Variants in RAB3GAP2 observed in about 807,000 individuals in gnomAD.
RAB3GAP2 encodes the protein RAB3 GTPase activating non-catalytic protein subunit 2.
A neutral mutation model predicts 185.3 loss-of-function variants in RAB3GAP2; 87 were observed. The ratio of observed to expected loss-of-function variants is 0.47; its 90% CI spans 0.39 to 0.56. The LOEUF (loss-of-function observed/expected upper bound fraction) is 0.56, where lower values mean the gene tolerates loss of function less well. Ranked by LOEUF, RAB3GAP2 falls within the 20% of genes least tolerant of loss-of-function variation. RAB3GAP2 has a pLI of 0.00. For synonymous variants in RAB3GAP2, 554 were observed against 576.1 expected, an observed-to-expected ratio of 0.96 and a Z score of 0.55; for missense variants, 1,492 against 1,638.2, an observed-to-expected ratio of 0.91 and a Z score of 1.54.
Position 220,167,316 on chromosome 1 carries a change from C to G in RAB3GAP2, c.3064G>C (p.Val1022Leu). The change falls in exon 26 of 35, where the codon GTT becomes CTT. Residue 1022 changes from valine (V) to leucine (L), a missense_variant. Val to Leu is a conservative substitution (Grantham distance 32, BLOSUM62 1). Transcript: ENST00000358951. Reference sequence around the variant, plus strand: ...ACCTCTGGATCTTTATTCCACTGAACAACGTACTCCCAGCAGCAATGTGCA... The same window carrying G: ...ACCTCTGGATCTTTATTCCACTGAAGAACGTACTCCCAGCAGCAATGTGCA... ...LHAHCCWEYV[V>L]QWNKDPEEAR... is the part of the protein sequence containing the mutation. 6.2e-7 allele frequency: 1 copy of G among 1,614,104 alleles called. No individual in the cohort carries two copies. The highest frequency in any genetic ancestry group is 8.5e-7 in the Non-Finnish European group (1 of 1,179,982).
chr1:220,158,628 ATG>A lies in RAB3GAP2; in HGVS notation c.3262-754_3262-753del, dbSNP rs1410213276. Among the ~76,000 whole-genome samples the A allele has an allele frequency of 6.6e-6, 1 of 151,992 alleles. No individual in the cohort carries two copies. The highest frequency in any genetic ancestry group is 1.5e-5 in the Non-Finnish European group (1 of 68,016). The stretch of plus-strand genomic sequence containing the variant: ...GCTAGTTTTTCTATTTTTAGTAGAG[ATG>A]GGGTTTCACCTTGTTGGTCAGGCTG... On this transcript the variant is annotated intron_variant, in intron 29 of 34. Transcript: ENST00000358951. The surrounding 1 kb of genome is among the most constrained non-coding windows in gnomAD (Gnocchi z 4.3).
chr1:220,237,017 G>T (rs1251998037), intron 1 of RAB3GAP2, among the ~76,000 whole-genome samples: 1 of 152,106 alleles, frequency 6.6e-6, no homozygotes, highest in African/African-American at 2.4e-5. Context: ...AGCTAAAAAT[G>T]GCTCACCATG....
intron 2 of RAB3GAP2, among the ~76,000 whole-genome samples, chr1:220,218,688 T>G (rs1190476421): frequency 6.6e-6 from 1 of 151,766 alleles, no homozygotes; most frequent in Non-Finnish European, 1.5e-5. Flanking sequence ...TGTATACATA[T>G]GTAACAAACC....
At chr1:220,200,713 C>T (rs1309606597) in intron 9 of RAB3GAP2, 1 of 496,108 alleles carries the variant, frequency 2.0e-6, no homozygotes, top group Non-Finnish European at 4.2e-6. Flanking sequence ...AAAGTAGACA[C>T]ACTGAAATGT....
intron 17 of RAB3GAP2, among the ~76,000 whole-genome samples, chr1:220,187,889 C>T (rs935082686): frequency 6.6e-6 from 1 of 151,914 alleles, no homozygotes; most frequent in African/African-American, 2.4e-5. Flanking sequence ...TCATAGTAAC[C>T]CTAATTTATA....
chr1:220,188,183 G>C (rs1658540546), intron 17 of RAB3GAP2, among the ~76,000 whole-genome samples: 1 of 151,678 alleles, frequency 6.6e-6, no homozygotes, highest in African/African-American at 2.4e-5. Context: ...CTGTGATACA[G>C]TTTTTTCTTA....
intron 2 of RAB3GAP2, chr1:220,220,467 T>G (rs1296227464): frequency 6.6e-6 from 1 of 152,492 alleles, no homozygotes; most frequent in African/African-American, 2.4e-5. Flanking sequence ...TCAGTCCATG[T>G]GCATCATCAC....
chr1:220,254,428 T>C, intron 1 of RAB3GAP2: 2 of 1,613,060 alleles, frequency 1.2e-6, no homozygotes, highest in Non-Finnish European at 1.7e-6. Context: ...CCTTGCTTTA[T>C]TACTCAATTA....
chr1:220,272,412 A>C lies in RAB3GAP2; in HGVS notation c.-75T>G, dbSNP rs926882670. On this transcript the variant is annotated 5_prime_UTR_variant, in exon 1 of 35. Transcript: ENST00000358951. ...CCCCCTCCACCCCACTGCGGCCGCC[A>C]CCGAGCCCCAATAGCTCTAGCCAAG... 201 of 1,011,062 alleles carry C rather than the reference A, an allele frequency of 2.0e-4. No individual in the cohort carries two copies. The highest frequency in any genetic ancestry group is 3.0e-4 in the Non-Finnish European group (196 of 655,188). 62.6% of individuals were successfully genotyped at this position (1,011,062 alleles called of 1,614,324 possible).
chr1:220,226,472 T>C (rs906775343), intron 2 of RAB3GAP2, among the ~76,000 whole-genome samples: 3 of 151,970 alleles, frequency 2.0e-5, no homozygotes, highest in African/African-American at 4.8e-5. Context: ...CTATTTGTTA[T>C]AGGATCATCA....
chr1:220,239,339 T>C (rs1659649144), intron 1 of RAB3GAP2, among the ~76,000 whole-genome samples: 1 of 152,128 alleles, frequency 6.6e-6, no homozygotes, highest in Admixed American at 6.6e-5. Context: ...CAAGCAGTTC[T>C]CTTACCTCAG....
At chr1:220,223,181 G>A (rs544699281) in intron 2 of RAB3GAP2, among the ~76,000 whole-genome samples, 1 of 152,126 alleles carries the variant, frequency 6.6e-6, no homozygotes, top group African/African-American at 2.4e-5. Context: ...TGAGTAGGTG[G>A]GACTATAGGC....
intron 1 of RAB3GAP2, among the ~76,000 whole-genome samples, chr1:220,255,213 AAAG>A (rs1660014010): frequency 6.6e-6 from 1 of 151,650 alleles, no homozygotes; most frequent in African/African-American, 2.4e-5. Flanking sequence ...AAGAAAAAAA[AAAG>A]AAAACCAGAA....
chr1:220,229,145 C>T (rs769233938), intron 2 of RAB3GAP2, among the ~76,000 whole-genome samples: 63 of 152,216 alleles, frequency 4.1e-4, no homozygotes, highest in Admixed American at 3.1e-3. Context: ...TCATTGTCCA[C>T]GTCACTCAGA....
intron 17 of RAB3GAP2, among the ~76,000 whole-genome samples, 172 bp from the exon 18 acceptor site, chr1:220,185,913 C>T (rs1475019354): frequency 6.6e-6 from 1 of 152,084 alleles, no homozygotes; most frequent in African/African-American, 2.4e-5. Flanking sequence ...AAGTAATATA[C>T]AATCAACTTC....
At position 220,167,072 on chromosome 1, in the gene RAB3GAP2, T is replaced by C. The variant is rs549915690; in HGVS notation, c.3087+221A>G. Among the ~76,000 whole-genome samples the C allele has an allele frequency of 5.3e-5, 8 of 152,316 alleles. No homozygotes were observed. The East Asian group carries it at 1.5e-3, about 29-fold the overall frequency. On this transcript the variant is annotated intron_variant, in intron 26 of 34. Coordinates refer to ENST00000358951, the MANE Select transcript of RAB3GAP2 (RefSeq NM_012414.4). The stretch of plus-strand genomic sequence containing the variant: ...CTTAACTTCTCTGAGCCCTAGTATT[T>C]TCTTTAGAGTGGGGATACTGACAGT...
rs1558149917 is a variant in RAB3GAP2, at chr1:220,190,981, T to C, written c.1487+87A>G. 6.5e-6 allele frequency: 8 copies of C among 1,239,978 alleles called. No individual in the cohort carries two copies. In the East Asian group the frequency reaches 9.3e-5, roughly 14 times the overall value. 76.8% of individuals were successfully genotyped at this position (1,239,978 alleles called of 1,614,324 possible). On this transcript the variant is annotated intron_variant, in intron 14 of 34. Coordinates refer to ENST00000358951, the MANE Select transcript of RAB3GAP2 (RefSeq NM_012414.4). ...TGTAATTCTCAAACTTGTAATCTAA[T>C]AAGCAGCTTTAGTAAAGCTTTATTT... is the stretch of plus-strand genomic sequence containing the variant.
intron 27 of RAB3GAP2, among the ~76,000 whole-genome samples, 176 bp downstream of exon 27, chr1:220,164,557 C>T (rs994822397): frequency 1.4e-4 from 20 of 147,952 alleles, no homozygotes; most frequent in Non-Finnish European, 2.4e-4. Flanking sequence ...TCACTGCAGC[C>T]TTGAACTACT....
chr1:220,170,120 G>A (rs956255009), intron 24 of RAB3GAP2, among the ~76,000 whole-genome samples: 3 of 152,154 alleles, frequency 2.0e-5, no homozygotes, highest in Admixed American at 2.0e-4. Flanking sequence ...CCTTTGCAGA[G>A]ACATAGATGA....
Sources: gnomAD v4.1 joint callset for allele counts (sites outside exome capture counted in the v4.1 genomes callset) on GRCh38, gnomAD v4.1.1 for gene constraint, Gnocchi (gnomAD v3.1) non-coding constraint, MANE v1.5 for transcripts, NCBI Gene and HGNC (gene_info 2026-07-23, HGNC 2026-07-21) for gene names.